TBC1D9: variants seen among roughly 807,000 people sequenced by gnomAD.
TBC1D9 encodes TBC1 domain family member 9, also known as TBC1 domain family member 9A.
TBC1D9 carries 63 observed loss-of-function variants against 132.0 expected under a neutral mutation model. That is an observed-to-expected ratio of 0.48 (90% confidence interval 0.39 to 0.59). The LOEUF (loss-of-function observed/expected upper bound fraction) is 0.59, where lower values mean the gene tolerates loss of function less well. Among genes scored for constraint, TBC1D9 ranks in the 20% least tolerant of loss-of-function variants. TBC1D9 has a pLI of 0.00. For missense variants in TBC1D9, 1,261 were observed against 1,592.7 expected (o/e 0.79, Z 3.54); for synonymous variants, 610 against 609.9 (o/e 1.00, Z 0.00).
intron 9 of TBC1D9, among the ~76,000 whole-genome samples, chr4:140,665,039 G>A (rs1383226180): frequency 2.6e-5 from 4 of 151,602 alleles, no homozygotes; most frequent in African/African-American, 9.7e-5. Context: ...CCCAGGAGGT[G>A]GAGGTTTCAG....
chr4:140,671,438 T>C (rs1315403513), intron 6 of TBC1D9, among the ~76,000 whole-genome samples: 1 of 152,184 alleles, frequency 6.6e-6, no homozygotes, highest in Non-Finnish European at 1.5e-5. Flanking sequence ...GAGAGAGGGC[T>C]CCTCGCTGCT....
chr4:140,732,575 A>C (rs1384173521), intron 1 of TBC1D9, among the ~76,000 whole-genome samples: 1 of 152,180 alleles, frequency 6.6e-6, no homozygotes, highest in African/African-American at 2.4e-5. Context: ...TCTTCCTCTC[A>C]TTAAGTACTT....
chr4:140,748,028 G>A (rs2111084415), intron 1 of TBC1D9, among the ~76,000 whole-genome samples: 1 of 152,176 alleles, frequency 6.6e-6, no homozygotes, highest in Middle Eastern at 3.4e-3. Flanking sequence ...ATCAAAAGTA[G>A]CCAGACATAA....
At chr4:140,651,536 T>C (rs1737187663) in intron 13 of TBC1D9, among the ~76,000 whole-genome samples, 1 of 152,210 alleles carries the variant, frequency 6.6e-6, no homozygotes, top group South Asian at 2.1e-4. Flanking sequence ...GAGAACTAAC[T>C]TATAGGTCCA....
At chr4:140,737,034 G>A (rs1004726249) in intron 1 of TBC1D9, among the ~76,000 whole-genome samples, 1 of 152,122 alleles carries the variant, frequency 6.6e-6, no homozygotes, top group Non-Finnish European at 1.5e-5. Flanking sequence ...GAATGGTTTC[G>A]GGATGAAACT....
intron 2 of TBC1D9, among the ~76,000 whole-genome samples, chr4:140,691,966 T>C (rs1343520565): frequency 6.6e-6 from 1 of 152,208 alleles, no homozygotes; most frequent in Non-Finnish European, 1.5e-5. Flanking sequence ...GAACAAAGGT[T>C]TAAGGCTCCA....
At position 140,686,338 on chromosome 4, in the gene TBC1D9, C is replaced by A. The variant is rs370607371; in HGVS notation, c.360+6G>T. 7 of 1,408,096 alleles carry A rather than the reference C, an allele frequency of 5.0e-6. No individual in the cohort carries two copies. The highest frequency in any genetic ancestry group is 7.0e-6 in the Non-Finnish European group (7 of 1,005,084). 87.2% of individuals were successfully genotyped at this position (1,408,096 alleles called of 1,614,324 possible). ...CAATTAAAATGTTTTTCTTTTATCC[C>A]ACTACCTGTATTTTTCCTCTCACAA... On this transcript the variant is annotated splice_donor_region_variant and intron_variant, in intron 3 of 20. Transcript: ENST00000442267.
intron 1 of TBC1D9, among the ~76,000 whole-genome samples, chr4:140,737,797 G>A (rs1468119427): frequency 1.3e-5 from 2 of 152,266 alleles, no homozygotes; most frequent in East Asian, 3.9e-4. Context: ...TTGGAGTTGA[G>A]GAATGTTAGA....
intron 1 of TBC1D9, 82 bp from the exon 2 acceptor site, chr4:140,701,696 T>C: frequency 9.7e-7 from 1 of 1,027,952 alleles, no homozygotes; most frequent in Non-Finnish European, 1.5e-6. Flanking sequence ...GAACATGCCC[T>C]TTCATGAGAT....
At chr4:140,688,555 G>C (rs1173818225) in intron 2 of TBC1D9, among the ~76,000 whole-genome samples, 1 of 152,046 alleles carries the variant, frequency 6.6e-6, no homozygotes, top group African/African-American at 2.4e-5. Context: ...ATAGTTCCTA[G>C]CTATGTCAGA....
At chr4:140,732,117 C>A (rs1738602741) in intron 1 of TBC1D9, among the ~76,000 whole-genome samples, 1 of 152,176 alleles carries the variant, frequency 6.6e-6, no homozygotes, top group African/African-American at 2.4e-5. Flanking sequence ...TCTATGCTCA[C>A]TAGTCTGCTG....
intron 1 of TBC1D9, among the ~76,000 whole-genome samples, chr4:140,711,228 G>A (rs1338701827): frequency 1.3e-5 from 2 of 152,186 alleles, no homozygotes; most frequent in Non-Finnish European, 2.9e-5. Flanking sequence ...AGCTGCTTCT[G>A]TGTGCAACAG....
chr4:140,642,106 T>C, intron 13 of TBC1D9: 1 of 735,400 alleles, frequency 1.4e-6, no homozygotes, highest in Non-Finnish European at 2.5e-6. Flanking sequence ...TGCCAGGCCC[T>C]CTTGGTCAGC....
chr4:140,679,333 T>C, intron 4 of TBC1D9, 130 bp from the exon 5 acceptor site: 1 of 1,040,672 alleles, frequency 9.6e-7, no homozygotes, highest in Non-Finnish European at 1.4e-6. Context: ...TTTGTTTTGC[T>C]TGTTCATTTT....
intron 13 of TBC1D9, among the ~76,000 whole-genome samples, chr4:140,648,713 ACTT>A (rs1236544381): frequency 6.6e-6 from 1 of 152,158 alleles, no homozygotes; most frequent in Non-Finnish European, 1.5e-5. Flanking sequence ...AGCAGACGGT[ACTT>A]CTTTTTGTTG....
chr4:140,670,345 A>G (rs1737516398), intron 7 of TBC1D9, among the ~76,000 whole-genome samples: 1 of 152,346 alleles, frequency 6.6e-6, no homozygotes, highest in South Asian at 2.1e-4. Context: ...ACAGGGACCC[A>G]ATATGTATTC....
chr4:140,701,770 G>T (rs1738073531), intron 1 of TBC1D9, among the ~76,000 whole-genome samples, 156 bp from the exon 2 acceptor site: 1 of 152,126 alleles, frequency 6.6e-6, no homozygotes, highest in Admixed American at 6.6e-5. Flanking sequence ...GATGATGCTG[G>T]CTCTACACAA....
intron 15 of TBC1D9, among the ~76,000 whole-genome samples, chr4:140,636,277 G>A (rs1483592626): frequency 1.3e-5 from 2 of 152,182 alleles, no homozygotes; most frequent in Non-Finnish European, 2.9e-5. Flanking sequence ...GCCTTAAGGT[G>A]CATTCTTTAA....
intron 9 of TBC1D9, among the ~76,000 whole-genome samples, chr4:140,663,613 A>C (rs554806220): frequency 6.6e-6 from 1 of 152,344 alleles, no homozygotes; most frequent in African/African-American, 2.4e-5. Flanking sequence ...GCATTTTCAC[A>C]ATAGCCAAGA....
Sources: gnomAD v4.1 joint callset for allele counts (sites outside exome capture counted in the v4.1 genomes callset) on GRCh38, gnomAD v4.1.1 for gene constraint, MANE v1.5 for transcripts, NCBI Gene and HGNC (gene_info 2026-07-23, HGNC 2026-07-21) for gene names.